The following ENPEP variants were observed in gnomAD, a reference collection of about 807,000 sequenced individuals.
ENPEP encodes AP-A.
ENPEP carries 103 observed loss-of-function variants against 114.5 expected under a neutral mutation model. The ratio of observed to expected loss-of-function variants is 0.90; its 90% CI spans 0.77 to 1.06. The LOEUF (loss-of-function observed/expected upper bound fraction) is 1.06. Ranked by LOEUF, ENPEP falls within the 50% of genes least tolerant of loss-of-function variation. ENPEP has a pLI of 0.00. For missense variants in ENPEP, 1,196 were observed against 1,161.3 expected (o/e 1.03, Z -0.43); for synonymous variants, 420 against 422.0 (o/e 1.00, Z 0.06).
At chr4:110,541,193 C>T (rs951847952) in intron 11 of ENPEP, among the ~76,000 whole-genome samples, 6 of 152,030 alleles carry the variant, frequency 3.9e-5, no homozygotes, top group African/African-American at 9.7e-5. Context: ...TTACCTACTC[C>T]GAAAGTTCCT....
At chr4:110,531,423 C>A (rs759945175) in intron 11 of ENPEP, 146 bp downstream of exon 11, 4 of 577,388 alleles carry the variant, frequency 6.9e-6, no homozygotes, top group Non-Finnish European at 1.0e-5. Context: ...GATTCCAAAT[C>A]TTCATCTACA....
intron 3 of ENPEP, among the ~76,000 whole-genome samples, chr4:110,497,637 A>G (rs1329936343): frequency 2.6e-5 from 4 of 152,188 alleles, no homozygotes; most frequent in Non-Finnish European, 2.9e-5. Flanking sequence ...TTCTTCTTAA[A>G]CAGCAATTCA....
chr4:110,498,539 TACATTCCAGGG>T (rs1725031731), intron 3 of ENPEP, among the ~76,000 whole-genome samples: 1 of 152,196 alleles, frequency 6.6e-6, no homozygotes, highest in Admixed American at 6.5e-5. Context: ...GCAACAGATT[TACATTCCAGGG>T]ACATTCCTGG....
At chr4:110,485,698 C>A (rs1247466058) in intron 1 of ENPEP, among the ~76,000 whole-genome samples, 2 of 152,316 alleles carry the variant, frequency 1.3e-5, no homozygotes, top group African/African-American at 4.8e-5. Flanking sequence ...AAACCAGTCC[C>A]TTAGTCCTTC....
At chr4:110,488,930 C>T (rs1434265586) in intron 2 of ENPEP, among the ~76,000 whole-genome samples, 2 of 152,184 alleles carry the variant, frequency 1.3e-5, no homozygotes, top group Non-Finnish European at 2.9e-5. Context: ...TAGACACACA[C>T]ATCAGCTTGG....
intron 3 of ENPEP, among the ~76,000 whole-genome samples, chr4:110,491,635 A>C (rs1724725383): frequency 6.6e-6 from 1 of 152,184 alleles, no homozygotes; most frequent in Non-Finnish European, 1.5e-5. Flanking sequence ...AGTATCCAAA[A>C]GCATTTTTTA....
chr4:110,526,985 G>A (rs548209346), intron 10 of ENPEP, among the ~76,000 whole-genome samples: 327 of 152,234 alleles, frequency 2.1e-3, no homozygotes, highest in African/African-American at 7.4e-3. Context: ...CACAGTGATC[G>A]TAGCCATATT....
chr4:110,555,463 A>G (rs1047388566), intron 18 of ENPEP, among the ~76,000 whole-genome samples: 15 of 152,076 alleles, frequency 9.9e-5, no homozygotes, highest in Admixed American at 6.6e-4. Flanking sequence ...ATTTAAATAA[A>G]GCTTTTGTCA....
chr4:110,536,107 CAAAAAAAAAA>C (rs34765143), intron 11 of ENPEP, among the ~76,000 whole-genome samples: 2 of 63,106 alleles, frequency 3.2e-5, no homozygotes, highest in African/African-American at 1.2e-4. Flanking sequence ...AACTCTGTCT[CAAAAAAAAAA>C]AAAAAAAAAA....
In ENPEP at chr4:110,549,417, A is replaced by G. The variant is rs371265616; in HGVS notation, c.2223A>G (p.Thr741=). 3 of 1,613,150 alleles carry G rather than the reference A, an allele frequency of 1.9e-6. No individual in the cohort carries two copies. Among genetic ancestry groups the G allele is most frequent in the Non-Finnish European group, 2.5e-6 (3 of 1,179,470 alleles). ...LGWNDAGDHV[T]KLLRSSVLGF... ...GGAATGATGCTGGAGACCATGTCACAAAGTTATTCTCACTTTTTAACAACT... is the reference window on the plus strand; with the variant it reads ...GGAATGATGCTGGAGACCATGTCACGAAGTTATTCTCACTTTTTAACAACT... Residue 741 remains threonine, a splice_region_variant and synonymous_variant, in exon 15 of 20, where the codon ACA becomes ACG. Coordinates refer to ENST00000265162, the MANE Select transcript of ENPEP (RefSeq NM_001977.4).
intron 1 of ENPEP, among the ~76,000 whole-genome samples, chr4:110,482,647 T>A (rs918781140): frequency 1.3e-5 from 2 of 152,180 alleles, no homozygotes; most frequent in Non-Finnish European, 2.9e-5. Flanking sequence ...CGTATGTCAG[T>A]TTGTTCATTA....
At chr4:110,503,592 G>A (rs1193635673) in intron 3 of ENPEP, among the ~76,000 whole-genome samples, 1 of 152,152 alleles carries the variant, frequency 6.6e-6, no homozygotes, top group Non-Finnish European at 1.5e-5. Context: ...TGTGGAACTA[G>A]TGTGGTTCTT....
At chr4:110,553,545 T>C in intron 18 of ENPEP, 90 bp downstream of exon 18, 1 of 1,259,966 alleles carries the variant, frequency 7.9e-7, no homozygotes, top group Non-Finnish European at 1.1e-6. Flanking sequence ...GTCTCTGACA[T>C]CTATACAATA....
intron 4 of ENPEP, among the ~76,000 whole-genome samples, chr4:110,509,392 A>G (rs1420636240): frequency 6.6e-6 from 1 of 152,250 alleles, no homozygotes. Flanking sequence ...CAAAAGACAT[A>G]AAATTATAGA....
At chr4:110,542,542 ATTTCTTT>A (rs1441492328) in intron 11 of ENPEP, among the ~76,000 whole-genome samples, 1 of 152,076 alleles carries the variant, frequency 6.6e-6, no homozygotes, top group East Asian at 1.9e-4. Context: ...TATATTACTT[ATTTCTTT>A]TTTAGCTCAC....
In ENPEP at chr4:110,531,191, AT is replaced by A; in HGVS notation, c.1728-3del. On this transcript the variant is annotated splice_region_variant and splice_polypyrimidine_tract_variant and intron_variant, in intron 10 of 19. Transcript: ENST00000265162. ...AAGTTAAATTTTTCTTTTTAAAAAA[AT>A]TTTAGTTATACATGGAATATCCCAG... 2 of 1,433,638 alleles carry A rather than the reference AT, an allele frequency of 1.4e-6. No individual in the cohort carries two copies. Among genetic ancestry groups the A allele is most frequent in the Non-Finnish European group, 1.9e-6 (2 of 1,073,776 alleles). The allele number at this position is 1,433,638 out of a possible 1,614,324, so 88.8% of individuals were successfully genotyped here. A position where few individuals can be genotyped will look rare whatever the true frequency, so the allele number is the denominator to read the frequency against.
intron 8 of ENPEP, chr4:110,519,062 C>T (rs1301598344): frequency 2.2e-6 from 1 of 455,526 alleles, no homozygotes; most frequent in Non-Finnish European, 4.4e-6. Context: ...GCTGCTTCTC[C>T]CTTCCTTTGC....
Position 110,476,435 on chromosome 4 carries a change from G to A in ENPEP, c.21G>A (p.Glu7=), listed in dbSNP as rs149344736. 2.4e-4 allele frequency: 368 copies of A among 1,518,604 alleles called. No individual in the cohort carries two copies. The African/African-American group carries it at 4.4e-3, about 18-fold the overall frequency. The allele number at this position is 1,518,604 out of a possible 1,614,324, so 94.1% of individuals were successfully genotyped here. A position where few individuals can be genotyped will look rare whatever the true frequency, so the allele number is the denominator to read the frequency against. The change falls in exon 1 of 20, where the codon GAG becomes GAA. Residue 7 remains glutamate, a synonymous_variant. Coordinates refer to ENST00000265162, the MANE Select transcript of ENPEP (RefSeq NM_001977.4). The part of the protein sequence containing the change: MNFAER[E]GSKRYCIQTK... ...CAAAAATGAACTTTGCGGAGAGAGA[G>A]GGCTCTAAGAGATACTGCATTCAAA...
At chr4:110,519,698 C>A (rs1299301525) in intron 8 of ENPEP, among the ~76,000 whole-genome samples, 1 of 151,988 alleles carries the variant, frequency 6.6e-6, no homozygotes, top group East Asian at 1.9e-4. Context: ...CAGAGATCAG[C>A]AAGCTACTGT....
Sources: allele counts gnomAD v4.1 joint callset (sites outside exome capture counted in the v4.1 genomes callset), GRCh38; gene constraint gnomAD v4.1.1; transcripts MANE v1.5; gene names NCBI Gene and HGNC (gene_info 2026-07-23, HGNC 2026-07-21).